ZIM2: variants seen among roughly 807,000 people sequenced by gnomAD.
ZIM2 encodes zinc finger protein 656.
A neutral mutation model predicts 38.6 loss-of-function variants in ZIM2; 14 were observed. The observed-to-expected ratio is 0.36, with a 90% CI of 0.24 to 0.57. The LOEUF is 0.57. ZIM2 is among the 20% of genes least tolerant of loss of function. The probability of loss-of-function intolerance (pLI) is 0.81; values close to 1 mark genes in which losing one functional copy is unlikely to be tolerated. For missense variants in ZIM2, 680 were observed against 695.1 expected (o/e 0.98, Z 0.24); for synonymous variants, 247 against 245.8 (o/e 1.00, Z -0.04).
chr19:56,825,186 AG>A (rs2060900724), intron 3 of ZIM2, among the ~76,000 whole-genome samples: 1 of 152,262 alleles, frequency 6.6e-6, no homozygotes, highest in African/African-American at 2.4e-5. Context: ...AAAAATGAAA[AG>A]GGGAAGTAGG....
chr19:56,811,077 G>A, intron 9 of ZIM2: 1 of 984,602 alleles, frequency 1.0e-6, no homozygotes, highest in Non-Finnish European at 1.2e-6. Context: ...GAGAGTATAT[G>A]TCTTTGGATG....
At chr19:56,810,036 T>C (rs2048003293) in intron 9 of ZIM2, 2 of 470,490 alleles carry the variant, frequency 4.3e-6, no homozygotes, top group South Asian at 1.8e-4. Context: ...CAAAATAACA[T>C]ATTTAAAGCC....
chr19:56,805,249 C>T (rs1054995656), intron 9 of ZIM2, among the ~76,000 whole-genome samples: 50 of 152,144 alleles, frequency 3.3e-4, no homozygotes, highest in African/African-American at 1.2e-3. Context: ...TGCCACATGT[C>T]CCCTGGAGGG....
At chr19:56,838,590 G>A (rs1327156113) in intron 1 of ZIM2, among the ~76,000 whole-genome samples, 2 of 152,214 alleles carry the variant, frequency 1.3e-5, no homozygotes, top group Admixed American at 6.5e-5. Flanking sequence ...CAACAACAGG[G>A]GAAGGGGTGA....
chr19:56,820,832 C>A (rs1221172230), intron 7 of ZIM2, among the ~76,000 whole-genome samples: 1 of 152,222 alleles, frequency 6.6e-6, no homozygotes, highest in Non-Finnish European at 1.5e-5. Context: ...GCTGTGCCCC[C>A]CAGGGCCTAG....
chr19:56,824,213 G>C lies in ZIM2; in HGVS notation c.16+49C>G, dbSNP rs374831755. 2,074 of 1,584,212 alleles carry C rather than the reference G, an allele frequency of 1.3e-3. 3 individuals carry two copies. Among genetic ancestry groups the C allele is most frequent in the Non-Finnish European group, 1.7e-3 (1,987 of 1,164,114 alleles). On this transcript the variant is annotated intron_variant, in intron 4 of 12. Transcript: ENST00000629319. ...AAGTGTGGAGGCTGAGAGCCCCAGG[G>C]GACACCTGAGGCCTGCACTGACCAC...
intron 7 of ZIM2, among the ~76,000 whole-genome samples, chr19:56,820,003 A>C (rs766663851): frequency 2.0e-5 from 3 of 152,248 alleles, no homozygotes; most frequent in Non-Finnish European, 2.9e-5. Context: ...GAAACACAGC[A>C]GAGCTTCACA....
intron 9 of ZIM2, among the ~76,000 whole-genome samples, chr19:56,803,979 C>T (rs1455606983): frequency 6.6e-6 from 1 of 152,250 alleles, no homozygotes; most frequent in Non-Finnish European, 1.5e-5. Flanking sequence ...CACTCTAACA[C>T]CCACTTTGGT....
intron 6 of ZIM2, among the ~76,000 whole-genome samples, chr19:56,822,186 A>G (rs2060560991): frequency 6.6e-6 from 1 of 152,100 alleles, no homozygotes; most frequent in Admixed American, 6.5e-5. Flanking sequence ...CTCACTCCTG[A>G]TATCCTTCTC....
In ZIM2 at chr19:56,775,260, T is replaced by G. The variant is rs565112855; in HGVS notation, c.1105A>C (p.Ser369Arg). Reference protein sequence around the residue: ...NRCEFCKRTFSTQVALRRHER... With the variant: ...NRCEFCKRTFRTQVALRRHER... ...TGTCTCCTAAGGGCTACTTGCGTAC[T>G]AAAGGTTCGTTTGCAAAATTCACAT... Residue 369 changes from serine to arginine, a missense_variant, in exon 13 of 13, where the codon AGT (serine) becomes CGT (arginine). Coordinates refer to ENST00000629319, the MANE Select transcript of ZIM2 (RefSeq NM_001387356.1). 3.7e-6 allele frequency: 6 copies of G among 1,614,180 alleles called. No individual in the cohort carries two copies. In the South Asian group the frequency reaches 4.4e-5, roughly 12 times the overall value.
chr19:56,821,592 G>A (rs2060491476), intron 7 of ZIM2, 59 bp downstream of exon 7: 4 of 1,595,486 alleles, frequency 2.5e-6, no homozygotes, highest in South Asian at 2.2e-5. Context: ...GGGAAAGAAA[G>A]GCGTCTCTGC....
At chr19:56,820,687 A>G (rs189680818) in intron 7 of ZIM2, among the ~76,000 whole-genome samples, 1 of 152,280 alleles carries the variant, frequency 6.6e-6, no homozygotes, top group Non-Finnish European at 1.5e-5. Context: ...CCTTGTTACA[A>G]TTTCTTGTTA....
rs1276452735 is a variant in ZIM2, at chr19:56,775,466, A to G, written c.899T>C (p.Ile300Thr). ...QGNQEKLLTP[I>T]TMNDPKTLTP... is the part of the protein sequence containing the mutation. ...GAGGGTCTTGGGGTCATTCATTGTT[A>G]TAGGAGTCAAAAGTTTCTCTTGGTT... is the stretch of plus-strand genomic sequence containing the variant. The change falls in exon 13 of 13, where the codon ATA becomes ACA. Residue 300 changes from isoleucine to threonine, a missense_variant. Coordinates refer to ENST00000629319, the MANE Select transcript of ZIM2 (RefSeq NM_001387356.1). 6.2e-7 allele frequency: 1 copy of G among 1,613,870 alleles called. No individual in the cohort carries two copies. Among genetic ancestry groups the G allele is most frequent in the Non-Finnish European group, 8.5e-7 (1 of 1,180,004 alleles).
At chr19:56,818,479 C>A in intron 8 of ZIM2, 121 bp downstream of exon 8, 1 of 1,064,652 alleles carries the variant, frequency 9.4e-7, no homozygotes, top group South Asian at 1.7e-5. Context: ...TCAAAGATTT[C>A]TTATTACCCT....
chr19:56,775,460 A>G lies in ZIM2; in HGVS notation c.905T>C (p.Met302Thr), dbSNP rs1318379946. 3 of 1,613,968 alleles carry G rather than the reference A, an allele frequency of 1.9e-6. No individual in the cohort carries two copies. The highest frequency in any genetic ancestry group is 1.6e-4 in the Middle Eastern group (1 of 6,062). ...NQEKLLTPITMNDPKTLTPER... is the reference protein window; with the variant it reads ...NQEKLLTPITTNDPKTLTPER... ...CGGAGTGAGGGTCTTGGGGTCATTC[A>G]TTGTTATAGGAGTCAAAAGTTTCTC... is the stretch of plus-strand genomic sequence containing the variant. Residue 302 changes from methionine (M) to threonine (T), a missense_variant, in exon 13 of 13, where the codon ATG becomes ACG. Met to Thr is a moderately conservative substitution (Grantham distance 81). Transcript: ENST00000629319.
chr19:56,840,059 G>A (rs1601365154), intron 1 of ZIM2, among the ~76,000 whole-genome samples: 3 of 152,226 alleles, frequency 2.0e-5, no homozygotes, highest in Non-Finnish European at 2.9e-5. Flanking sequence ...CGGGCACGCC[G>A]GCGCCGCGAG....
intron 10 of ZIM2, among the ~76,000 whole-genome samples, chr19:56,782,735 G>A (rs2046389090): frequency 6.6e-6 from 1 of 151,838 alleles, no homozygotes; most frequent in Admixed American, 6.6e-5. Context: ...AAATTTTTGT[G>A]GGTACATAGT....
rs756195749 is a variant in ZIM2 at position 56,816,776 on chromosome 19, T to C, written c.490+970A>G. The C allele has an allele frequency of 1.9e-6, 3 of 1,614,048 alleles. No homozygotes were observed. The highest frequency in any genetic ancestry group is 2.5e-6 in the Non-Finnish European group (3 of 1,180,028). On this transcript the variant is annotated intron_variant, in intron 9 of 12. Coordinates refer to ENST00000629319, the MANE Select transcript of ZIM2 (RefSeq NM_001387356.1). ...TCGTAGAATTTGTCTTTGCCATATA[T>C]TTTCTGAAGCTCACTAAAGGTGGGG...
At position 56,795,319 on chromosome 19, in the gene ZIM2, G is replaced by A. The variant is rs771755556; in HGVS notation, c.491-5368C>T. ...CCACAAGGCCCCAGTAGGGCCCGCCGCGGAGTCTTCCTCACGAAGCCGCGC... is the reference window on the plus strand; with the variant it reads ...CCACAAGGCCCCAGTAGGGCCCGCCACGGAGTCTTCCTCACGAAGCCGCGC... On this transcript the variant is annotated intron_variant, in intron 9 of 12. Transcript: ENST00000629319. 1.8e-4 allele frequency among the ~76,000 whole-genome samples: 27 copies of A among 152,308 alleles called. 1 individual carries two copies. The highest frequency in any genetic ancestry group is 5.8e-4 in the African/African-American group (24 of 41,574).
Sources: gnomAD v4.1 joint callset for allele counts (sites outside exome capture counted in the v4.1 genomes callset) on GRCh38, gnomAD v4.1.1 for gene constraint, MANE v1.5 for transcripts, NCBI Gene and HGNC (gene_info 2026-07-23, HGNC 2026-07-21) for gene names.